The following EFHC2 variants were observed in gnomAD, a reference collection of about 807,000 sequenced individuals.
EFHC2 encodes EF-hand domain containing 2.
Under a neutral mutation model 52.7 loss-of-function variants are expected in EFHC2, and 18 were observed. That is an observed-to-expected ratio of 0.34 (90% confidence interval 0.24 to 0.51). EFHC2 has a LOEUF of 0.51. Among genes scored for constraint, EFHC2 ranks in the 20% least tolerant of loss-of-function variants. The pLI is 0.97. For missense variants in EFHC2, 513 were observed against 562.5 expected (o/e 0.91, Z 0.89); for synonymous variants, 203 against 204.1 (o/e 0.99, Z 0.04).
intron 4 of EFHC2, among the ~76,000 whole-genome samples, chrX:44,260,451 T>TA (rs751847350): frequency 6.3e-5 from 7 of 111,283 alleles, no homozygotes; most frequent in African/African-American, 2.0e-4. Context: ...AGGGACTGTT[T>TA]AAAAAATAGG....
chrX:44,329,225 GATT>G (rs531956716), intron 1 of EFHC2, among the ~76,000 whole-genome samples: 2 of 111,380 alleles, frequency 1.8e-5, no homozygotes, highest in East Asian at 2.8e-4. Flanking sequence ...AGCAGAATAA[GATT>G]ATTAACTGAC....
At chrX:44,214,889 A>G (rs921924439) in intron 11 of EFHC2, among the ~76,000 whole-genome samples, 2 of 111,882 alleles carry the variant, frequency 1.8e-5, no homozygotes, top group African/African-American at 6.5e-5. Context: ...TGAAGCTAGT[A>G]TAGTGTTATC....
intron 2 of EFHC2, chrX:44,284,384 G>A (rs991820515): frequency 9.0e-6 from 1 of 111,520 alleles, no homozygotes; most frequent in African/African-American, 3.3e-5. Flanking sequence ...TGGAAGTGAG[G>A]GTCAAAATGA....
rs187611730 is a variant in EFHC2 at position 44,309,257 on chromosome X, G to T, written c.231+3311C>A. 7.0e-3 allele frequency: 3,584 copies of T among 511,905 alleles called. 20 individuals are homozygous for T. The highest frequency in any genetic ancestry group is 8.3e-3 in the Non-Finnish European group (2,513 of 301,289). 42.2% of individuals were successfully genotyped at this position (511,905 alleles called of 1,213,427 possible). ...GTGGCTAGTTGATAATACTTCAGCT[G>T]ATTTTTTTTATGAGATGGAAAAAAA... is the stretch of plus-strand genomic sequence containing the variant. On this transcript the variant is annotated intron_variant, in intron 2 of 14. Transcript: ENST00000420999.
chrX:44,149,728 G>T (rs1569271129), intron 14 of EFHC2, among the ~76,000 whole-genome samples: 1 of 111,405 alleles, frequency 9.0e-6, no homozygotes, highest in Non-Finnish European at 1.9e-5. Flanking sequence ...GGCCGGACTG[G>T]TCTGGTCTCA....
At chrX:44,336,141 C>A (rs1312922835) in intron 1 of EFHC2, among the ~76,000 whole-genome samples, 3 of 106,115 alleles carry the variant, frequency 2.8e-5, no homozygotes, top group Non-Finnish European at 5.9e-5. Flanking sequence ...AATCTCAGCA[C>A]TTTGGGAGGC....
intron 8 of EFHC2, 56 bp downstream of exon 8, chrX:44,242,065 T>C: frequency 9.1e-7 from 1 of 1,100,664 alleles, no homozygotes; most frequent in Non-Finnish European, 1.2e-6. Flanking sequence ...AACTATGTTA[T>C]AAACCCCAAA....
intron 3 of EFHC2, among the ~76,000 whole-genome samples, chrX:44,262,512 C>CAAAAAA (rs749239313): frequency 5.8e-4 from 17 of 29,114 alleles, no homozygotes; most frequent in Admixed American, 1.6e-3. Context: ...AGCCCTGTCT[C>CAAAAAA]AAAAAAAAAA....
At chrX:44,283,648 G>A (rs903803142) in intron 2 of EFHC2, among the ~76,000 whole-genome samples, 5 of 90,248 alleles carry the variant, frequency 5.5e-5, no homozygotes, top group Non-Finnish European at 1.1e-4. Flanking sequence ...TTGACTCCCC[G>A]GAAACACTTT....
At chrX:44,156,589 C>T (rs1053798326) in intron 14 of EFHC2, among the ~76,000 whole-genome samples, 5 of 111,770 alleles carry the variant, frequency 4.5e-5, no homozygotes, top group African/African-American at 1.3e-4. Flanking sequence ...ATGCCAAGGC[C>T]GTATATCATC....
chrX:44,181,349 G>GA lies in EFHC2; in HGVS notation c.1752-2786dup, dbSNP rs5902341. On this transcript the variant is annotated intron_variant, in intron 11 of 14. Transcript: ENST00000420999. ...CAAATATTATTTTCATTGTCTAAAT[G>GA]AAAAAAAAAAACATTCGAAAGCATT... Among the ~76,000 whole-genome samples the GA allele has an allele frequency of 7.0e-3, 709 of 100,825 alleles. 3 individuals are homozygous for GA. Among genetic ancestry groups the GA allele is most frequent in the African/African-American group, 0.011 (297 of 27,980 alleles). 87.6% of individuals were successfully genotyped at this position (100,825 alleles called of 115,157 possible). A position where few individuals can be genotyped will look rare whatever the true frequency, so the allele number is the denominator to read the frequency against.
At chrX:44,252,944 T>C (rs757266206) in intron 4 of EFHC2, among the ~76,000 whole-genome samples, 6 of 110,559 alleles carry the variant, frequency 5.4e-5, no homozygotes, top group East Asian at 2.9e-4. Flanking sequence ...GCTCATCTCA[T>C]TGGGACTGCT....
rs1398841186 is a variant in EFHC2, at chrX:44,232,647, C to T, written c.1454G>A (p.Ser485Asn). The T allele has an allele frequency of 1.7e-6, 2 of 1,198,234 alleles. No individual in the cohort carries two copies. The highest frequency in any genetic ancestry group is 3.7e-5 in the South Asian group (2 of 54,463). ...GIAGGMFLKR[S>N]RVKKPGQEVF... ...TTCTTGTCCAGGCTTCTTAACGCGACTTCTTTTCAAGAACATCCCACCAGC... is the reference window on the plus strand; with the variant it reads ...TTCTTGTCCAGGCTTCTTAACGCGATTTCTTTTCAAGAACATCCCACCAGC... The change falls in exon 10 of 15, where the codon AGT (serine) becomes AAT (asparagine). Residue 485 changes from serine to asparagine, a missense_variant. Transcript: ENST00000420999.
chrX:44,310,057 T>C (rs17146912), intron 2 of EFHC2: 126,284 of 799,300 alleles, frequency 0.16, 9,156 homozygotes, highest in African/African-American at 0.48. Context: ...TTTTCATTTA[T>C]TATGCCATCA....
chrX:44,244,001 T>G (rs968929984), intron 7 of EFHC2, among the ~76,000 whole-genome samples: 1 of 111,493 alleles, frequency 9.0e-6, no homozygotes, highest in African/African-American at 3.3e-5. Context: ...AGGAGACATA[T>G]ACATACAACT....
intron 10 of EFHC2, 110 bp downstream of exon 10, chrX:44,232,371 G>T: frequency 1.8e-6 from 1 of 549,978 alleles, no homozygotes; most frequent in Non-Finnish European, 2.7e-6. Context: ...ATGTGTGAAT[G>T]CACAATGTAC....
At chrX:44,222,956 T>C (rs1354535294) in intron 11 of EFHC2, among the ~76,000 whole-genome samples, 1 of 111,861 alleles carries the variant, frequency 8.9e-6, no homozygotes, top group African/African-American at 3.3e-5. Flanking sequence ...TTATTCACTA[T>C]AGTCACCATG....
At chrX:44,237,012 C>CT (rs1179239018) in intron 8 of EFHC2, among the ~76,000 whole-genome samples, 39 of 104,409 alleles carry the variant, frequency 3.7e-4, no homozygotes, top group South Asian at 8.4e-4. Context: ...TTCAATATGC[C>CT]TTTTTTTTTT....
chrX:44,227,425 C>T (rs1321541588), intron 11 of EFHC2, among the ~76,000 whole-genome samples: 1 of 111,063 alleles, frequency 9.0e-6, no homozygotes, highest in African/African-American at 3.3e-5. Context: ...GCATCCGGCA[C>T]CAAGCATGTC....
Sources: gnomAD v4.1 joint callset for allele counts (sites outside exome capture counted in the v4.1 genomes callset) on GRCh38, gnomAD v4.1.1 for gene constraint, MANE v1.5 for transcripts, NCBI Gene and HGNC (gene_info 2026-07-23, HGNC 2026-07-21) for gene names.